The following SAMD4A variants were observed in gnomAD, a reference collection of about 807,000 sequenced individuals.
The protein encoded by SAMD4A is sterile alpha motif domain containing 4A.
In SAMD4A, 33 loss-of-function variants were observed where a neutral mutation model predicts 81.3. That is an observed-to-expected ratio of 0.41 (90% CI 0.31 to 0.54). The LOEUF is 0.54. Ranked by LOEUF, SAMD4A falls within the 20% of genes least tolerant of loss-of-function variation. SAMD4A has a pLI of 0.37. For missense variants in SAMD4A, 854 were observed against 951.1 expected (o/e 0.90, Z 1.34); for synonymous variants, 389 against 382.1 (o/e 1.02, Z -0.21).
intron 2 of SAMD4A, chr14:54,697,022 A>G (rs1235282467): frequency 1.3e-5 from 2 of 152,206 alleles, no homozygotes; most frequent in African/African-American, 4.8e-5. Flanking sequence ...GGATTCCTGC[A>G]TCTTCCCCAG....
At chr14:54,605,334 A>T (rs2034170214) in intron 2 of SAMD4A, among the ~76,000 whole-genome samples, 1 of 152,068 alleles carries the variant, frequency 6.6e-6, no homozygotes, top group African/African-American at 2.4e-5. Context: ...ATTAAATGTG[A>T]TTGAGGTAGC....
intron 3 of SAMD4A, among the ~76,000 whole-genome samples, chr14:54,725,376 A>T (rs1404168841): frequency 6.6e-6 from 1 of 152,216 alleles, no homozygotes; most frequent in Non-Finnish European, 1.5e-5. Context: ...AGGAAAAACC[A>T]AGTTGAATCT....
At chr14:54,582,053 ATT>A (rs1215615951) in intron 2 of SAMD4A, among the ~76,000 whole-genome samples, 3 of 152,148 alleles carry the variant, frequency 2.0e-5, no homozygotes, top group Non-Finnish European at 4.4e-5. Flanking sequence ...CATTTTGCAG[ATT>A]ATTGTGGTAT....
chr14:54,574,401 C>T (rs547867418), intron 2 of SAMD4A, among the ~76,000 whole-genome samples: 28 of 152,230 alleles, frequency 1.8e-4, no homozygotes, highest in Non-Finnish European at 3.2e-4. Flanking sequence ...GAGATTCTTG[C>T]TGTTGTAGTA....
chr14:54,747,219 A>G (rs1221240601), intron 4 of SAMD4A, among the ~76,000 whole-genome samples: 1 of 152,234 alleles, frequency 6.6e-6, no homozygotes, highest in Non-Finnish European at 1.5e-5. Context: ...AGTGATTTCT[A>G]GCCTGAGATA....
At chr14:54,577,252 G>A (rs909289561) in intron 2 of SAMD4A, among the ~76,000 whole-genome samples, 8 of 152,216 alleles carry the variant, frequency 5.3e-5, no homozygotes, top group African/African-American at 1.2e-4. Flanking sequence ...AGGTTTGTAC[G>A]TGTTTCTGCA....
chr14:54,776,869 T>C (rs1007634133), intron 11 of SAMD4A, among the ~76,000 whole-genome samples: 7 of 151,942 alleles, frequency 4.6e-5, no homozygotes, highest in Non-Finnish European at 1.0e-4. Flanking sequence ...TGTGTGTGTG[T>C]GTGTGTGTGT....
chr14:54,589,528 G>A (rs1177231908), intron 2 of SAMD4A, among the ~76,000 whole-genome samples: 1 of 152,124 alleles, frequency 6.6e-6, no homozygotes, highest in South Asian at 2.1e-4. Context: ...ACATCCACTA[G>A]AGCCAGTGAT....
chr14:54,748,835 AGCCTCCGCCTGCACAAATAT>A lies in SAMD4A; in HGVS notation c.1004_1023del (p.Leu335ArgfsTer9). On this transcript the variant is annotated frameshift_variant, in exon 5 of 13. Transcript: ENST00000554335. LOFTEE classifies it high-confidence loss of function. Reference sequence around the variant, plus strand: ...CACAGATGTTCCAGCCTGGCTGAAAAGCCTCCGCCTGCACAAATATGCCGCGCTTTTCTCCCAGATGACCT... The same window carrying A: ...CACAGATGTTCCAGCCTGGCTGAAAAGCCGCGCTTTTCTCCCAGATGACCT... The A allele has an allele frequency of 6.4e-7, 1 of 1,553,136 alleles. No individual in the cohort carries two copies.
chr14:54,774,813 C>CAAA (rs546617416), intron 9 of SAMD4A, 121 bp from the exon 10 acceptor site: 107 of 643,666 alleles, frequency 1.7e-4, no homozygotes, highest in Middle Eastern at 3.9e-4. Flanking sequence ...GACCCTGACT[C>CAAA]AAAAAAAAAA....
At chr14:54,633,335 T>C (rs971425696) in intron 2 of SAMD4A, among the ~76,000 whole-genome samples, 1 of 152,136 alleles carries the variant, frequency 6.6e-6, no homozygotes, top group Non-Finnish European at 1.5e-5. Flanking sequence ...GCAGGCCAGT[T>C]TGGCTGGAGA....
rs781468660 is a variant in SAMD4A at position 54,760,259 on chromosome 14, C to T, written c.1275C>T (p.Pro425=). 3.2e-5 allele frequency: 52 copies of T among 1,612,756 alleles called. No homozygotes were observed. Among genetic ancestry groups the T allele is most frequent in the African/African-American group, 1.2e-4 (9 of 74,904 alleles). ...IKAYSSPSTT[P]EARRREPQAP... ...CCTACAGCTCCCCGAGCACCACCCC[C>T]GAGGCTCGCCGCCGGGAGCCCCAGG... is the stretch of plus-strand genomic sequence containing the variant. Residue 425 remains proline, a synonymous_variant, in exon 7 of 13, where the codon CCC becomes CCT. Transcript: ENST00000554335.
intron 11 of SAMD4A, among the ~76,000 whole-genome samples, chr14:54,781,646 C>T (rs1357570394): frequency 1.3e-5 from 2 of 152,222 alleles, no homozygotes; most frequent in East Asian, 3.8e-4. Flanking sequence ...ACATCTCCAT[C>T]TGCCTGGTCT....
rs140875623 is a variant in SAMD4A, at chr14:54,664,810, AACACACACAC to A, written c.197-37221_197-37212del. 1.8e-3 allele frequency among the ~76,000 whole-genome samples: 258 copies of A among 141,762 alleles called. 1 individual carries two copies. Among genetic ancestry groups the A allele is most frequent in the African/African-American group, 5.9e-3 (230 of 38,750 alleles). The allele number at this position is 141,762 out of a possible 152,430, so 93.0% of individuals were successfully genotyped here. ...TAAATATGTTTAATTATGTGAATCC[AACACACACAC>A]ACACACACACACACACACACACACA... is the stretch of plus-strand genomic sequence containing the variant. On this transcript the variant is annotated intron_variant, in intron 2 of 12. Coordinates refer to ENST00000554335, the MANE Select transcript of SAMD4A (RefSeq NM_015589.6).
chr14:54,639,430 T>C (rs2035114298), intron 2 of SAMD4A, among the ~76,000 whole-genome samples: 1 of 152,058 alleles, frequency 6.6e-6, no homozygotes, highest in African/African-American at 2.4e-5. Flanking sequence ...TAACCCAGAG[T>C]TCTCTCTCAA....
intron 2 of SAMD4A, among the ~76,000 whole-genome samples, chr14:54,675,067 T>C (rs888056888): frequency 6.6e-6 from 1 of 151,922 alleles, no homozygotes; most frequent in Non-Finnish European, 1.5e-5. Flanking sequence ...AGGGAGAGAT[T>C]TTAAAAGAAA....
intron 3 of SAMD4A, among the ~76,000 whole-genome samples, chr14:54,725,458 A>C (rs2037390872): frequency 6.6e-6 from 1 of 152,260 alleles, no homozygotes; most frequent in Non-Finnish European, 1.5e-5. Flanking sequence ...TTGAAAGAGC[A>C]AGGTGAAGTT....
intron 2 of SAMD4A, among the ~76,000 whole-genome samples, chr14:54,590,874 GT>G (rs1349098512): frequency 1.3e-5 from 2 of 152,184 alleles, no homozygotes; most frequent in African/African-American, 2.4e-5. Flanking sequence ...TTTTATTATA[GT>G]TTTCTTTTTC....
intron 2 of SAMD4A, among the ~76,000 whole-genome samples, chr14:54,642,694 G>C (rs1437679280): frequency 6.6e-6 from 1 of 152,170 alleles, no homozygotes; most frequent in East Asian, 1.9e-4. Flanking sequence ...GGATGATCCA[G>C]CTTCCTGGTA....
Sources: gnomAD v4.1 joint callset for allele counts (sites outside exome capture counted in the v4.1 genomes callset) on GRCh38, gnomAD v4.1.1 for gene constraint, MANE v1.5 for transcripts, NCBI Gene and HGNC (gene_info 2026-07-23, HGNC 2026-07-21) for gene names.